Variants in CACNA1F observed in about 807,000 individuals in gnomAD.
CACNA1F encodes the protein calcium voltage-gated channel subunit alpha1 F.
CACNA1F carries 59 observed loss-of-function variants against 143.8 expected under a neutral mutation model. The observed-to-expected ratio is 0.41, with a 90% CI of 0.33 to 0.51. CACNA1F has a LOEUF of 0.51. Ranked by LOEUF, CACNA1F falls within the 20% of genes least tolerant of loss-of-function variation. The pLI, the probability that CACNA1F is intolerant of heterozygous loss-of-function variation, is 0.22. For missense variants in CACNA1F, 1,411 were observed against 1,647.5 expected, an observed-to-expected ratio of 0.86 and a Z score of 2.48; for synonymous variants, 643 against 649.1, an observed-to-expected ratio of 0.99 and a Z score of 0.14.
Position 49,228,317 on chromosome X carries a change from G to T in CACNA1F, c.948C>A (p.Phe316Leu), listed in dbSNP as rs782601182. The T allele has an allele frequency of 8.3e-7, 1 of 1,211,895 alleles. No homozygotes were observed. The highest frequency in any genetic ancestry group is 1.8e-5 in the South Asian group (1 of 56,969). Reference protein sequence around the residue: ...PNGGITNFDNFFFAMLTVFQC... With the variant: ...PNGGITNFDNLFFAMLTVFQC... ...GGAAGACTGTCAGCATGGCGAAGAA[G>T]AAGTTGTCAAAGTTGGTGATGCCTC... is the stretch of plus-strand genomic sequence containing the variant. The change falls in exon 7 of 48, where the codon TTC becomes TTA. Residue 316 changes from phenylalanine (F) to leucine (L), a missense_variant. Transcript: ENST00000323022.
In CACNA1F at chrX:49,205,665, G is replaced by A. The variant is rs782129126; in HGVS notation, c.5621C>T (p.Ser1874Leu). The A allele has an allele frequency of 1.9e-5, 23 of 1,203,026 alleles. No individual in the cohort carries two copies. Among genetic ancestry groups the A allele is most frequent in the African/African-American group, 7.0e-5 (4 of 56,970 alleles). ...GCCCCTCTTCCCATGGCTGGGGTCC[G>A]AGTGGGTTCCAGGCACGTGCAGACA... The part of the protein sequence containing the change: ...FTCLHVPGTH[S>L]DPSHGKRGSA... Residue 1874 changes from serine to leucine, a missense_variant, in exon 47 of 48, where the codon TCG becomes TTG. Ser to Leu is a moderately radical substitution (Grantham distance 145). This residue lies in a region of CACNA1F where 349 missense variants were observed against 350.2 expected (regional missense o/e 1.00). Transcript: ENST00000323022.
chrX:49,207,838 C>A (rs996163347), intron 43 of CACNA1F, among the ~76,000 whole-genome samples: 1 of 109,763 alleles, frequency 9.1e-6, no homozygotes, highest in Non-Finnish European at 1.9e-5. Context: ...CTTTCTTTAT[C>A]CCTGTGAAGT....
In CACNA1F at chrX:49,213,003, A is replaced by C. The variant is rs373318574; in HGVS notation, c.3793-9T>G. ...CCAAGGTGGCCACCATTCTGGAGGGAGATATGGCCAAGAAAAAGGTGATAC... is the reference window on the plus strand; with the variant it reads ...CCAAGGTGGCCACCATTCTGGAGGGCGATATGGCCAAGAAAAAGGTGATAC... On this transcript the variant is annotated splice_polypyrimidine_tract_variant and intron_variant, in intron 31 of 47. Transcript: ENST00000323022. The C allele has an allele frequency of 3.3e-6, 4 of 1,195,983 alleles. No individual in the cohort carries two copies. The African/African-American group carries it at 7.0e-5, about 21-fold the overall frequency.
intron 14 of CACNA1F, among the ~76,000 whole-genome samples, chrX:49,223,854 C>A (rs1176241561): frequency 9.3e-6 from 1 of 107,133 alleles, no homozygotes; most frequent in African/African-American, 3.4e-5. Context: ...GCCTCAGCCT[C>A]CCGAGTAGCT....
Position 49,209,374 on chromosome X carries a change from T to C in CACNA1F, c.4841A>G (p.Gln1614Arg), listed in dbSNP as rs369539925. The C allele has an allele frequency of 4.9e-5, 59 of 1,209,245 alleles. No homozygotes were observed. Among genetic ancestry groups the C allele is most frequent in the Non-Finnish European group, 6.4e-5 (57 of 894,613 alleles). The change falls in exon 42 of 48, where the codon CAG becomes CGG. Residue 1614 changes from glutamine (Q) to arginine (R), a missense_variant. By Grantham distance (43) the Gln-to-Arg change is conservative. Coordinates refer to ENST00000323022, the MANE Select transcript of CACNA1F (RefSeq NM_001256789.3). ...CTGCCGCATCTCAGGACCCAAGTCC[T>C]GCAGGCTCCGCAGACCAGCCTGTGG... is the stretch of plus-strand genomic sequence containing the variant. ...SALQAGLRSLQDLGPEMRQAL... is the reference protein window; with the variant it reads ...SALQAGLRSLRDLGPEMRQAL...
chrX:49,224,221 G>A (rs1331175447), intron 14 of CACNA1F, among the ~76,000 whole-genome samples: 2 of 110,768 alleles, frequency 1.8e-5, no homozygotes, highest in Non-Finnish European at 3.8e-5. Context: ...TGGAGTTGCA[G>A]TTGAAGATAG....
rs138447882 is a variant in CACNA1F at position 49,215,380 on chromosome X, C to T, written c.3400G>A (p.Glu1134Lys). ...FVIITFRAQG[E>K]QEYQNCELDK... ...AGCTCACAGTTTTGGTACTCCTGCTCGCCCTGGGCACGGAAAGTGATGATG... is the reference window on the plus strand; with the variant it reads ...AGCTCACAGTTTTGGTACTCCTGCTTGCCCTGGGCACGGAAAGTGATGATG... The change falls in exon 28 of 48, where the codon GAG becomes AAG. Residue 1134 changes from glutamate to lysine, a missense_variant. This residue lies in a region of CACNA1F where 950 missense variants were observed against 1,128.1 expected (regional missense o/e 0.84). Transcript: ENST00000323022. 22 of 1,208,292 alleles carry T rather than the reference C, an allele frequency of 1.8e-5. No individual in the cohort carries two copies. The highest frequency in any genetic ancestry group is 5.9e-5 in the East Asian group (2 of 33,724).
chrX:49,209,433 T>G, intron 41 of CACNA1F, 40 bp from the exon 42 acceptor site: 3 of 1,190,928 alleles, frequency 2.5e-6, no homozygotes, highest in Non-Finnish European at 3.4e-6. Flanking sequence ...CAGCTCAGGG[T>G]CTGAACTTTC....
intron 19 of CACNA1F, 23 bp from the exon 20 acceptor site, chrX:49,219,813 A>G (rs1557108450): frequency 1.0e-6 from 1 of 959,454 alleles, no homozygotes. Flanking sequence ...AAAAGCAAAA[A>G]AAAATTAATT....
Position 49,214,197 on chromosome X carries a change from T to C in CACNA1F, c.3670A>G (p.Ile1224Val), listed in dbSNP as rs986331355. ...GCGATGATTTTGAGCACCATCTCAA[T>C]AGTGAAGAGGCCAGTGAAGACCATG... The part of the protein sequence containing the change: ...LNMVFTGLFT[I>V]EMVLKIIAFK... Residue 1224 changes from isoleucine to valine, a missense_variant, in exon 30 of 48, where the codon ATT becomes GTT. By Grantham distance (29) the Ile-to-Val change is conservative. This residue lies in a region of CACNA1F where 950 missense variants were observed against 1,128.1 expected (regional missense o/e 0.84). Transcript: ENST00000323022. 7.5e-6 allele frequency: 9 copies of C among 1,204,479 alleles called. No homozygotes were observed. Among genetic ancestry groups the C allele is most frequent in the Non-Finnish European group, 9.0e-6 (8 of 889,682 alleles).
chrX:49,219,361 G>A lies in CACNA1F; in HGVS notation c.2633C>T (p.Ala878Val), dbSNP rs1557108266. 8.3e-7 allele frequency: 1 copy of A among 1,208,677 alleles called. No individual in the cohort carries two copies. Among genetic ancestry groups the A allele is most frequent in the Non-Finnish European group, 1.1e-6 (1 of 893,982 alleles). ...GTGGGCTCGGATGGGGTCCTCAGCG[G>A]CCAGGGACACACTGCTGAGGATGAT... is the stretch of plus-strand genomic sequence containing the variant. ...VFIILSSVSL[A>V]AEDPIRAHSF... Residue 878 changes from alanine (A) to valine (V), a missense_variant, in exon 21 of 48, where the codon GCC becomes GTC. Coordinates refer to ENST00000323022, the MANE Select transcript of CACNA1F (RefSeq NM_001256789.3).
intron 4 of CACNA1F, 26 bp downstream of exon 4, chrX:49,230,824 G>A (rs370955177): frequency 1.7e-6 from 2 of 1,167,343 alleles, no homozygotes; most frequent in African/African-American, 1.8e-5. Context: ...GGCGACTAGG[G>A]TGGGGTGCCT....
chrX:49,206,210 T>C (rs1425741243), intron 46 of CACNA1F, among the ~76,000 whole-genome samples: 2 of 108,745 alleles, frequency 1.8e-5, no homozygotes, highest in African/African-American at 6.7e-5. Flanking sequence ...CCGGCCAACA[T>C]GGTGAAACCC....
chrX:49,225,872 G>A, intron 13 of CACNA1F, 37 bp downstream of exon 13: 1 of 1,157,683 alleles, frequency 8.6e-7, no homozygotes, highest in Non-Finnish European at 1.2e-6. Context: ...GAAGGAATAG[G>A]AGGCTGGGGG....
chrX:49,219,091 T>A, intron 21 of CACNA1F, 150 bp from the exon 22 acceptor site: 1 of 607,712 alleles, frequency 1.6e-6, no homozygotes, highest in Non-Finnish European at 2.7e-6. Context: ...TTGGCCTGCT[T>A]AACCTCTCTG....
chrX:49,210,189 G>A (rs1424478415), intron 39 of CACNA1F, 112 bp downstream of exon 39: 48 of 691,040 alleles, frequency 6.9e-5, no homozygotes, highest in Non-Finnish European at 1.4e-5. Flanking sequence ...CAGGCCTGGA[G>A]AATCCTGTCA....
Position 49,207,261 on chromosome X carries a change from T to G in CACNA1F, c.5124-149A>C, listed in dbSNP as rs1056105817. On this transcript the variant is annotated intron_variant, in intron 43 of 47. Transcript: ENST00000323022. ...GGACAAGTCACATAAAATTAACCAT[T>G]AACCATTTTAAAGTGACCATGGGCT... The G allele has an allele frequency of 4.1e-5, 19 of 463,472 alleles. No homozygotes were observed. The African/African-American group carries it at 4.6e-4, about 11-fold the overall frequency. The allele number at this position is 463,472 out of a possible 1,213,427, so 38.2% of individuals were successfully genotyped here.
intron 31 of CACNA1F, 32 bp downstream of exon 31, chrX:49,213,787 G>T: frequency 1.9e-6 from 2 of 1,032,840 alleles, no homozygotes; most frequent in Non-Finnish European, 1.4e-6. Context: ...TGTATAGGGC[G>T]AGAGTGGATT....
chrX:49,212,468 T>A (rs1188166750), intron 33 of CACNA1F, among the ~76,000 whole-genome samples, 160 bp from the exon 34 acceptor site: 1 of 111,584 alleles, frequency 9.0e-6, no homozygotes, highest in Non-Finnish European at 1.9e-5. Context: ...GTGAACATAG[T>A]GTTAAGTAGA....
Sources: allele counts gnomAD v4.1 joint callset (sites outside exome capture counted in the v4.1 genomes callset), GRCh38; gene constraint gnomAD v4.1.1; regional missense constraint gnomAD v4.1.1; transcripts MANE v1.5; gene names NCBI Gene and HGNC (gene_info 2026-07-23, HGNC 2026-07-21).